PRKCE: variants seen among roughly 807,000 people sequenced by gnomAD.
PRKCE encodes the protein protein kinase C epsilon type.
In PRKCE, 16 loss-of-function variants were observed where a neutral mutation model predicts 85.4. The ratio of observed to expected loss-of-function variants is 0.19; its 90% CI spans 0.13 to 0.28. The LOEUF is 0.28. PRKCE is among the 10% of genes least tolerant of loss of function. PRKCE has a pLI of 1.00. For synonymous variants in PRKCE, 388 were observed against 371.5 expected (o/e 1.04, Z -0.51); for missense variants, 573 against 975.2 (o/e 0.59, Z 5.49).
chr2:46,040,628 T>C (rs1574309328), intron 10 of PRKCE, among the ~76,000 whole-genome samples: 1 of 152,156 alleles, frequency 6.6e-6, no homozygotes, highest in African/African-American at 2.4e-5. Flanking sequence ...GTACTGTAGA[T>C]TGCTAACAAT....
At chr2:45,751,044 C>T (rs975761883) in intron 1 of PRKCE, among the ~76,000 whole-genome samples, 1 of 152,190 alleles carries the variant, frequency 6.6e-6, no homozygotes, top group Non-Finnish European at 1.5e-5. Flanking sequence ...TCCCCAGGAA[C>T]CCATTGCCTG....
Position 45,924,830 on chromosome 2 carries a change from G to C in PRKCE, c.413-51599G>C, listed in dbSNP as rs372348587. On this transcript the variant is annotated intron_variant, in intron 2 of 14. Coordinates refer to ENST00000306156, the MANE Select transcript of PRKCE (RefSeq NM_005400.3). ...GAAGTGAGGCTGAATGCAGGACTTG[G>C]ATTGAGGGCAGAAACAATGGAAGGC... Among the ~76,000 whole-genome samples, 13 of 152,338 alleles carry C rather than the reference G, an allele frequency of 8.5e-5. No homozygotes were observed. The East Asian group carries it at 2.5e-3, about 29-fold the overall frequency.
intron 5 of PRKCE, among the ~76,000 whole-genome samples, chr2:45,981,005 C>T (rs2104567232): frequency 6.6e-6 from 1 of 152,304 alleles, no homozygotes; most frequent in East Asian, 1.9e-4. Context: ...AGCTAAGAGC[C>T]ACTTTCAAAC....
At chr2:46,153,702 G>A (rs1275451814) in intron 13 of PRKCE, among the ~76,000 whole-genome samples, 2 of 152,018 alleles carry the variant, frequency 1.3e-5, no homozygotes, top group African/African-American at 4.8e-5. Flanking sequence ...ACGGGATGGC[G>A]GTGTCTGAGT....
chr2:46,018,123 T>A (rs1400949292), intron 10 of PRKCE, among the ~76,000 whole-genome samples: 7 of 152,216 alleles, frequency 4.6e-5, no homozygotes, highest in African/African-American at 1.7e-4. Context: ...TTGATCAGCC[T>A]GTTTCTGGAA....
At chr2:45,927,110 GA>G (rs1331009827) in intron 2 of PRKCE, among the ~76,000 whole-genome samples, 2 of 152,224 alleles carry the variant, frequency 1.3e-5, no homozygotes, top group African/African-American at 4.8e-5. Context: ...AGGATGGTGA[GA>G]AGTATAGAAT....
At chr2:45,678,368 A>G (rs1007780248) in intron 1 of PRKCE, among the ~76,000 whole-genome samples, 14 of 152,218 alleles carry the variant, frequency 9.2e-5, no homozygotes, top group African/African-American at 2.2e-4. Context: ...AATTTTGGTA[A>G]CATTAGTGAG....
At position 46,086,298 on chromosome 2, in the gene PRKCE, C is replaced by T. The variant is rs1407286859; in HGVS notation, c.1528C>T (p.Arg510Trp). 4 of 1,599,594 alleles carry T rather than the reference C, an allele frequency of 2.5e-6. No individual in the cohort carries two copies. The highest frequency in any genetic ancestry group is 1.3e-5 in the African/African-American group (1 of 74,910). The change falls in exon 11 of 15, where the codon CGG becomes TGG. Residue 510 changes from arginine (R) to tryptophan (W), a missense_variant. Arg to Trp is a moderately radical substitution (Grantham distance 101). Around this residue, in one of 11 missense-constraint regions of PRKCE, gnomAD observed 89 missense variants for 154.1 expected, o/e 0.58. Coordinates refer to ENST00000306156, the MANE Select transcript of PRKCE (RefSeq NM_005400.3). ...CCGAAAATTCGACGAGCCTCGTTCA[C>T]GGTTCTATGCTGCAGAGGTCACATC... ...RSRKFDEPRS[R>W]FYAAEVTSAL...
At chr2:45,970,038 TA>T (rs1338644457) in intron 2 of PRKCE, among the ~76,000 whole-genome samples, 1 of 152,328 alleles carries the variant, frequency 6.6e-6, no homozygotes, top group East Asian at 1.9e-4. Context: ...TTAGTTTGTT[TA>T]ATTATTGACT....
intron 11 of PRKCE, among the ~76,000 whole-genome samples, chr2:46,120,369 C>T (rs1035876378): frequency 5.9e-5 from 9 of 152,074 alleles, no homozygotes; most frequent in African/African-American, 1.7e-4. Context: ...TGGGTAGAGG[C>T]CAAGGATACT....
chr2:46,157,956 T>C (rs1677378901), intron 13 of PRKCE, among the ~76,000 whole-genome samples: 1 of 152,208 alleles, frequency 6.6e-6, no homozygotes, highest in Non-Finnish European at 1.5e-5. Context: ...ATCATAGAAG[T>C]ATGCAGTGCA....
intron 11 of PRKCE, among the ~76,000 whole-genome samples, chr2:46,091,051 A>G (rs1479233878): frequency 6.6e-6 from 1 of 152,076 alleles, no homozygotes; most frequent in Non-Finnish European, 1.5e-5. Context: ...GCCCAAACAG[A>G]TAGACACAAT....
chr2:46,186,788 A>C lies in PRKCE; in HGVS notation c.*1907A>C, dbSNP rs1393478895. On this transcript the variant is annotated 3_prime_UTR_variant, in exon 15 of 15. Coordinates refer to ENST00000306156, the MANE Select transcript of PRKCE (RefSeq NM_005400.3). ...TGAGCCCATTAGAGAGTCTGTGTCC[A>C]TATTTGCATCTGGCTGGTCATAGCC... 2.6e-5 allele frequency: 4 copies of C among 152,642 alleles called. No individual in the cohort carries two copies. 9.5% of individuals were successfully genotyped at this position (152,642 alleles called of 1,614,324 possible).
intron 1 of PRKCE, among the ~76,000 whole-genome samples, chr2:45,723,974 G>A (rs1680843325): frequency 1.3e-5 from 2 of 152,182 alleles, no homozygotes; most frequent in African/African-American, 4.8e-5. Flanking sequence ...AGGAGACCCT[G>A]CTTTCAGCTC....
chr2:45,967,013 A>G (rs2104463502), intron 2 of PRKCE, among the ~76,000 whole-genome samples: 1 of 152,288 alleles, frequency 6.6e-6, no homozygotes, highest in East Asian at 1.9e-4. Context: ...ATAAAAGAGA[A>G]AGAACCTGAA....
At chr2:46,178,542 G>A (rs1679659760) in intron 14 of PRKCE, among the ~76,000 whole-genome samples, 1 of 152,186 alleles carries the variant, frequency 6.6e-6, no homozygotes, top group Non-Finnish European at 1.5e-5. Context: ...GTATGTGTGT[G>A]TAAACATATA....
At chr2:45,862,057 T>C (rs1693201398) in intron 2 of PRKCE, among the ~76,000 whole-genome samples, 1 of 152,070 alleles carries the variant, frequency 6.6e-6, no homozygotes, top group African/African-American at 2.4e-5. Flanking sequence ...GGACTTATGC[T>C]CCCCACGTAG....
chr2:45,930,406 C>G (rs1698953589), intron 2 of PRKCE, among the ~76,000 whole-genome samples: 1 of 152,328 alleles, frequency 6.6e-6, no homozygotes. Context: ...AAGAAAGTGC[C>G]TGGTGGCTCA....
intron 1 of PRKCE, among the ~76,000 whole-genome samples, chr2:45,811,586 T>G (rs1439730851): frequency 2.0e-5 from 3 of 152,208 alleles, no homozygotes; most frequent in Admixed American, 2.0e-4. Flanking sequence ...ATGTTACCTA[T>G]TATCAATAGG....
Sources: allele counts gnomAD v4.1 joint callset (sites outside exome capture counted in the v4.1 genomes callset), GRCh38; gene constraint gnomAD v4.1.1; regional missense constraint gnomAD v4.1.1; transcripts MANE v1.5; gene names NCBI Gene and HGNC (gene_info 2026-07-23, HGNC 2026-07-21).